Variants in DYM observed in about 807,000 individuals in gnomAD.
The protein encoded by DYM is dymeclin.
Under a neutral mutation model 93.1 loss-of-function variants are expected in DYM, and 78 were observed. The observed-to-expected ratio is 0.84, with a 90% CI of 0.70 to 1.01. The LOEUF is 1.01. Among genes scored for constraint, DYM ranks in the 50% least tolerant of loss-of-function variants. The pLI, the probability that DYM is intolerant of heterozygous loss-of-function variation, is 0.00. For synonymous variants in DYM, 321 were observed against 319.7 expected (o/e 1.00, Z -0.04); for missense variants, 789 against 845.0 (o/e 0.93, Z 0.82).
In DYM at chr18:49,174,061, T is replaced by C. The variant is rs538437594; in HGVS notation, c.1626-10274A>G. Among the ~76,000 whole-genome samples, 183 of 152,292 alleles carry C rather than the reference T, an allele frequency of 1.2e-3. 1 individual carries two copies. Among genetic ancestry groups the C allele is most frequent in the Non-Finnish European group, 2.2e-3 (148 of 67,996 alleles). Reference sequence around the variant, plus strand: ...TGAAAGCTGGTTTCATTTCTTTTCATAAATGGCCATTGAATTTTGTCAAAT... The same window carrying C: ...TGAAAGCTGGTTTCATTTCTTTTCACAAATGGCCATTGAATTTTGTCAAAT... On this transcript the variant is annotated intron_variant, in intron 14 of 17. Coordinates refer to ENST00000675505, the MANE Select transcript of DYM (RefSeq NM_001353214.3).
chr18:49,041,505 T>C lies in DYM; in HGVS notation c.*2550A>G, dbSNP rs912325420. 1.3e-5 allele frequency: 2 copies of C among 152,234 alleles called. No individual in the cohort carries two copies. The highest frequency in any genetic ancestry group is 4.8e-5 in the African/African-American group (2 of 41,460). 9.4% of individuals were successfully genotyped at this position (152,234 alleles called of 1,614,324 possible). A position where few individuals can be genotyped will look rare whatever the true frequency, so the allele number is the denominator to read the frequency against. On this transcript the variant is annotated 3_prime_UTR_variant, in exon 18 of 18. Coordinates refer to ENST00000675505, the MANE Select transcript of DYM (RefSeq NM_001353214.3). ...TTTATCATTCAGATTTATTGCCATATAATAAATCTTTCACAAAAATCAGGA... is the reference window on the plus strand; with the variant it reads ...TTTATCATTCAGATTTATTGCCATACAATAAATCTTTCACAAAAATCAGGA...
At chr18:49,275,495 CTA>C (rs1445317592) in intron 10 of DYM, among the ~76,000 whole-genome samples, 1 of 152,130 alleles carries the variant, frequency 6.6e-6, no homozygotes, top group Non-Finnish European at 1.5e-5. Context: ...TTGTCAATCT[CTA>C]TAAAGAAGTC....
intron 6 of DYM, among the ~76,000 whole-genome samples, chr18:49,359,400 C>T (rs534789233): frequency 1.3e-5 from 2 of 152,126 alleles, no homozygotes; most frequent in Admixed American, 6.5e-5. Flanking sequence ...TTAGTACCTC[C>T]GTGAATTAAT....
At chr18:49,362,704 C>T (rs887701076) in intron 6 of DYM, among the ~76,000 whole-genome samples, 37 of 152,144 alleles carry the variant, frequency 2.4e-4, no homozygotes, top group African/African-American at 8.2e-4. Context: ...ATTGGAGGAC[C>T]TTCCCCTACA....
chr18:49,303,337 G>T (rs570799833), intron 8 of DYM, among the ~76,000 whole-genome samples: 1 of 152,240 alleles, frequency 6.6e-6, no homozygotes, highest in African/African-American at 2.4e-5. Flanking sequence ...CTACATTTAA[G>T]GTGCCCATGA....
chr18:49,134,079 G>A (rs1418799186), intron 15 of DYM, among the ~76,000 whole-genome samples: 2 of 152,116 alleles, frequency 1.3e-5, no homozygotes, highest in Non-Finnish European at 2.9e-5. Context: ...GAAGAACAGA[G>A]AGATAAATAG....
intron 17 of DYM, among the ~76,000 whole-genome samples, chr18:49,050,496 T>C (rs2144337474): frequency 6.6e-6 from 1 of 152,282 alleles, no homozygotes; most frequent in East Asian, 1.9e-4. Flanking sequence ...GCAATGTATG[T>C]GACCTAGGTG....
At chr18:49,369,216 T>C (rs1021002264) in intron 5 of DYM, among the ~76,000 whole-genome samples, 4 of 152,222 alleles carry the variant, frequency 2.6e-5, no homozygotes, top group African/African-American at 4.8e-5. Context: ...TCAAGATACC[T>C]TACCCTTCCA....
intron 5 of DYM, among the ~76,000 whole-genome samples, chr18:49,365,047 C>T (rs998130137): frequency 2.6e-5 from 4 of 152,072 alleles, no homozygotes; most frequent in Admixed American, 6.6e-5. Flanking sequence ...GATGATGACT[C>T]ACAAAGAGCT....
At chr18:49,183,432 C>G (rs2090117927) in intron 14 of DYM, among the ~76,000 whole-genome samples, 1 of 152,088 alleles carries the variant, frequency 6.6e-6, no homozygotes, top group African/African-American at 2.4e-5. Flanking sequence ...GTCCGCTCAT[C>G]ATTCCTGCAC....
At chr18:49,454,186 C>T (rs1196030223) in intron 1 of DYM, among the ~76,000 whole-genome samples, 1 of 152,096 alleles carries the variant, frequency 6.6e-6, no homozygotes, top group Non-Finnish European at 1.5e-5. Context: ...CACCCAACAC[C>T]CCCTAACAGC....
chr18:49,131,609 T>G (rs1304796520), intron 15 of DYM, among the ~76,000 whole-genome samples: 1 of 152,170 alleles, frequency 6.6e-6, no homozygotes, highest in Admixed American at 6.5e-5. Flanking sequence ...AAAGGTCCTG[T>G]CTCCAAACAC....
chr18:49,383,852 AAAT>A (rs1444236168), intron 3 of DYM, among the ~76,000 whole-genome samples: 11 of 152,306 alleles, frequency 7.2e-5, no homozygotes, highest in Middle Eastern at 3.4e-3. Flanking sequence ...GAAAAGGAGA[AAAT>A]AACAACAACA....
At chr18:49,060,756 A>C (rs1167941461) in intron 17 of DYM, among the ~76,000 whole-genome samples, 1 of 113,368 alleles carries the variant, frequency 8.8e-6, no homozygotes, top group Non-Finnish European at 1.8e-5. Context: ...AGGGAGAGAG[A>C]GAGAGAGAGG....
At chr18:49,244,280 T>C (rs2094114028) in intron 13 of DYM, among the ~76,000 whole-genome samples, 2 of 152,240 alleles carry the variant, frequency 1.3e-5, no homozygotes, top group Admixed American at 1.3e-4. Flanking sequence ...TGGGAAAAGC[T>C]GCTTAGACCA....
At chr18:49,173,181 T>C (rs1051823077) in intron 14 of DYM, among the ~76,000 whole-genome samples, 4 of 152,174 alleles carry the variant, frequency 2.6e-5, no homozygotes, top group Non-Finnish European at 5.9e-5. Flanking sequence ...TCCATAAATC[T>C]GTCATACACT....
chr18:49,311,271 T>C (rs562311388), intron 8 of DYM, among the ~76,000 whole-genome samples: 2 of 152,258 alleles, frequency 1.3e-5, no homozygotes, highest in Admixed American at 6.5e-5. Context: ...TGTGTGCCAC[T>C]GAGGGCTTTA....
chr18:49,409,309 G>GA (rs1198551112), intron 2 of DYM, among the ~76,000 whole-genome samples: 1 of 148,892 alleles, frequency 6.7e-6, no homozygotes, highest in Non-Finnish European at 1.5e-5. Context: ...AGAAAAAAAA[G>GA]AAAAAAACTT....
At chr18:49,197,380 G>C (rs979988322) in intron 14 of DYM, among the ~76,000 whole-genome samples, 4 of 152,056 alleles carry the variant, frequency 2.6e-5, no homozygotes, top group Non-Finnish European at 5.9e-5. Context: ...AGAAAGCCAG[G>C]AGTATGCTGT....
Sources: allele counts gnomAD v4.1 joint callset (sites outside exome capture counted in the v4.1 genomes callset), GRCh38; gene constraint gnomAD v4.1.1; transcripts MANE v1.5; gene names NCBI Gene and HGNC (gene_info 2026-07-23, HGNC 2026-07-21).